The following PCDH15 variants were observed in gnomAD, a reference collection of about 807,000 sequenced individuals.
PCDH15 encodes protocadherin-15.
In PCDH15, 129 loss-of-function variants were observed where a neutral mutation model predicts 178.5. That is an observed-to-expected ratio of 0.72 (90% CI 0.63 to 0.84). The LOEUF (loss-of-function observed/expected upper bound fraction) is 0.84. Among genes scored for constraint, PCDH15 ranks in the 40% least tolerant of loss-of-function variants. PCDH15 has a pLI of 0.00. For synonymous variants in PCDH15, 800 were observed against 732.0 expected (o/e 1.09, Z -1.50); for missense variants, 2,230 against 2,099.9 (o/e 1.06, Z -1.21).
In PCDH15 at chr10:54,351,565, A is replaced by T. The variant is rs1024139501; in HGVS notation, c.475-5081T>A. Among the ~76,000 whole-genome samples the T allele has an allele frequency of 5.9e-5, 9 of 152,262 alleles. No homozygotes were observed. In the South Asian group the frequency reaches 1.0e-3, roughly 18 times the overall value. ...CTGAAACTTTTCACAATTTCTTCAT[A>T]TTTTAATATACTAAATCCTCTACAA... On this transcript the variant is annotated intron_variant, in intron 5 of 37. Transcript: ENST00000644397.
chr10:55,222,127 G>A (rs535084098), intron 1 of PCDH15, among the ~76,000 whole-genome samples: 61 of 151,128 alleles, frequency 4.0e-4, no homozygotes, highest in African/African-American at 1.4e-3. Flanking sequence ...CACCTGCCTC[G>A]GCCTCCCAAA....
intron 9 of PCDH15, among the ~76,000 whole-genome samples, chr10:54,226,625 G>A (rs1242172604): frequency 3.3e-5 from 5 of 152,088 alleles, no homozygotes; most frequent in East Asian, 3.9e-4. Flanking sequence ...AACAATTCAT[G>A]CCTTCTCAAT....
chr10:53,808,586 T>C (rs2075744429), intron 37 of PCDH15: 2 of 1,466,398 alleles, frequency 1.4e-6, no homozygotes, highest in Admixed American at 2.5e-5. Flanking sequence ...CATATCAAAA[T>C]CTTGATCAAT....
At chr10:54,114,079 T>C (rs1230614020) in intron 15 of PCDH15, among the ~76,000 whole-genome samples, 1 of 152,196 alleles carries the variant, frequency 6.6e-6, no homozygotes, top group South Asian at 2.1e-4. Flanking sequence ...CACGTGGGGA[T>C]TATTACAATT....
At chr10:53,816,702 AT>A (rs1261567081) in intron 34 of PCDH15, among the ~76,000 whole-genome samples, 2 of 152,178 alleles carry the variant, frequency 1.3e-5, no homozygotes, top group South Asian at 2.1e-4. Context: ...GATAAGATTC[AT>A]TGGGAAGAAG....
At chr10:54,855,680 A>G (rs375391619) in intron 3 of PCDH15, among the ~76,000 whole-genome samples, 44 of 152,334 alleles carry the variant, frequency 2.9e-4, no homozygotes, top group African/African-American at 9.6e-4. Context: ...AGTTTAAAAA[A>G]GAATTTAAAA....
chr10:53,876,820 G>A (rs1185045823), intron 26 of PCDH15, among the ~76,000 whole-genome samples: 1 of 152,072 alleles, frequency 6.6e-6, no homozygotes, highest in Non-Finnish European at 1.5e-5. Context: ...ATTCTAAAGA[G>A]TAAAATACAA....
chr10:53,888,304 A>ATATATATATG (rs1554845195), intron 26 of PCDH15, among the ~76,000 whole-genome samples: 28 of 88,952 alleles, frequency 3.1e-4, no homozygotes, highest in African/African-American at 1.4e-3. Context: ...ATATATATAT[A>ATATATATATG]TATATGTATA....
At chr10:54,392,962 A>ATGGC (rs1950743891) in intron 3 of PCDH15, among the ~76,000 whole-genome samples, 1 of 151,946 alleles carries the variant, frequency 6.6e-6, no homozygotes, top group African/African-American at 2.4e-5. Context: ...TAGTCAGAGT[A>ATGGC]TGGCTAAGGG....
intron 2 of PCDH15, among the ~76,000 whole-genome samples, chr10:55,056,703 G>A (rs1301996022): frequency 2.0e-5 from 3 of 150,788 alleles, no homozygotes; most frequent in African/African-American, 7.3e-5. Flanking sequence ...TGTGATCTTG[G>A]CTCACTGCAA....
chr10:55,451,993 A>G (rs959990696), intron 2 of PCDH15, among the ~76,000 whole-genome samples: 1 of 152,218 alleles, frequency 6.6e-6, no homozygotes, highest in African/African-American at 2.4e-5. Flanking sequence ...ACCAATTGTG[A>G]ATAAATGTAT....
chr10:53,894,201 G>A (rs1212985269), intron 26 of PCDH15, among the ~76,000 whole-genome samples: 3 of 152,062 alleles, frequency 2.0e-5, no homozygotes, highest in Non-Finnish European at 4.4e-5. Flanking sequence ...ACAGATAAAC[G>A]ATAACAGTAT....
At chr10:54,311,583 C>G (rs144349133) in intron 8 of PCDH15, among the ~76,000 whole-genome samples, 1 of 152,034 alleles carries the variant, frequency 6.6e-6, no homozygotes, top group Admixed American at 6.6e-5. Context: ...TTTCATCCTA[C>G]TTGCCTAGCA....
chr10:55,436,549 C>A (rs1319368378), intron 2 of PCDH15, among the ~76,000 whole-genome samples: 3 of 151,414 alleles, frequency 2.0e-5, no homozygotes, highest in African/African-American at 7.3e-5. Flanking sequence ...CCAGAGAATT[C>A]CTTACTGATT....
At chr10:55,134,793 T>G (rs1221773080) in intron 2 of PCDH15, among the ~76,000 whole-genome samples, 2 of 152,202 alleles carry the variant, frequency 1.3e-5, no homozygotes, top group South Asian at 2.1e-4. Flanking sequence ...TGAGTGTTTA[T>G]GTCTGTGATC....
intron 25 of PCDH15, among the ~76,000 whole-genome samples, chr10:53,903,752 C>T (rs2082484225): frequency 6.6e-6 from 1 of 152,108 alleles, no homozygotes; most frequent in South Asian, 2.1e-4. Flanking sequence ...ATAGTAGAAA[C>T]TGCCATAAAC....
chr10:54,491,991 T>C (rs939220310), intron 3 of PCDH15, among the ~76,000 whole-genome samples: 4 of 152,186 alleles, frequency 2.6e-5, no homozygotes, highest in African/African-American at 9.7e-5. Context: ...CCTCTGATTA[T>C]CACATTTAAA....
chr10:55,447,773 A>G (rs182062111), intron 2 of PCDH15, among the ~76,000 whole-genome samples: 3 of 152,244 alleles, frequency 2.0e-5, no homozygotes, highest in Admixed American at 1.3e-4. Flanking sequence ...TTATAAATTT[A>G]CAACTTGTTA....
chr10:55,411,420 A>C (rs1441873176), intron 2 of PCDH15, among the ~76,000 whole-genome samples: 2 of 152,110 alleles, frequency 1.3e-5, no homozygotes, highest in Non-Finnish European at 2.9e-5. Context: ...TTTAGTAATA[A>C]ATAGCAAAAC....
Sources: gnomAD v4.1 joint callset for allele counts (sites outside exome capture counted in the v4.1 genomes callset) on GRCh38, gnomAD v4.1.1 for gene constraint, MANE v1.5 for transcripts, NCBI Gene and HGNC (gene_info 2026-07-23, HGNC 2026-07-21) for gene names.